MCPH1: variants seen among roughly 807,000 people sequenced by gnomAD.
The protein encoded by MCPH1 is microcephalin 1.
A neutral mutation model predicts 84.5 loss-of-function variants in MCPH1; 104 were observed. The ratio of observed to expected loss-of-function variants is 1.23; its 90% CI spans 1.05 to 1.45. The LOEUF is 1.45. Ranked by LOEUF, MCPH1 falls within the 40% of genes most tolerant of loss-of-function variation. The pLI is 0.00. For missense variants in MCPH1, 1,498 were observed against 1,005.7 expected, an observed-to-expected ratio of 1.49 and a Z score of -6.62; for synonymous variants, 514 against 366.8, an observed-to-expected ratio of 1.40 and a Z score of -4.58.
intron 13 of MCPH1, among the ~76,000 whole-genome samples, chr8:6,632,283 C>T (rs758920344): frequency 2.6e-5 from 4 of 152,074 alleles, no homozygotes; most frequent in African/African-American, 4.8e-5. Context: ...CACAGCATTG[C>T]GAATGTACTT....
At chr8:6,408,093 A>C (rs531336311) in intron 1 of MCPH1, among the ~76,000 whole-genome samples, 6 of 152,252 alleles carry the variant, frequency 3.9e-5, no homozygotes, top group Non-Finnish European at 7.3e-5. Flanking sequence ...AGGTTTCTGC[A>C]CTGGAAAAAT....
chr8:6,562,863 C>T, intron 12 of MCPH1: 5 of 1,612,950 alleles, frequency 3.1e-6, no homozygotes, highest in Non-Finnish European at 4.2e-6. Flanking sequence ...TGTCCATGCT[C>T]TTCCGAAAGT....
intron 12 of MCPH1, among the ~76,000 whole-genome samples, chr8:6,527,970 A>T (rs183376826): frequency 6.1e-4 from 90 of 146,770 alleles, no homozygotes; most frequent in African/African-American, 2.2e-3. Flanking sequence ...ATCTCGGCTC[A>T]CTGCAACCTC....
chr8:6,502,193 A>C (rs1812321140), intron 12 of MCPH1: 1 of 152,166 alleles, frequency 6.6e-6, no homozygotes, highest in African/African-American at 2.4e-5. Flanking sequence ...AATTTTCCTC[A>C]TCATTAAAAG....
chr8:6,435,888 A>G (rs1343220640), intron 4 of MCPH1, among the ~76,000 whole-genome samples, 160 bp from the exon 5 acceptor site: 4 of 152,230 alleles, frequency 2.6e-5, no homozygotes, highest in Admixed American at 6.5e-5. Context: ...CTGCACAAAA[A>G]AATAAATATT....
rs1798117048 is a variant in MCPH1, at chr8:6,644,493, A to T, written c.*1444A>T. The stretch of plus-strand genomic sequence containing the variant: ...CTGGAACCGATAAATGACTTAAGTA[A>T]AGTTTCAGGATAGTAAATCCATGTA... On this transcript the variant is annotated 3_prime_UTR_variant, in exon 14 of 14. Transcript: ENST00000344683. 1 of 152,190 alleles carries T rather than the reference A, an allele frequency of 6.6e-6. No individual in the cohort carries two copies. The highest frequency in any genetic ancestry group is 1.5e-5 in the Non-Finnish European group (1 of 68,034). The allele number at this position is 152,190 out of a possible 1,614,324, so 9.4% of individuals were successfully genotyped here. A position where few individuals can be genotyped will look rare whatever the true frequency, so the allele number is the denominator to read the frequency against.
intron 12 of MCPH1, among the ~76,000 whole-genome samples, chr8:6,526,842 G>C (rs1020647934): frequency 1.3e-5 from 2 of 152,086 alleles, no homozygotes; most frequent in Admixed American, 6.5e-5. Context: ...GTCCCAAGTG[G>C]AACAGACATA....
At chr8:6,612,676 T>C (rs908070851) in intron 12 of MCPH1, among the ~76,000 whole-genome samples, 2 of 152,198 alleles carry the variant, frequency 1.3e-5, no homozygotes, top group Non-Finnish European at 2.9e-5. Flanking sequence ...CTGCCTGGCC[T>C]GGTGTTCTGG....
At chr8:6,506,224 G>A (rs1043261925) in intron 12 of MCPH1, among the ~76,000 whole-genome samples, 3 of 151,918 alleles carry the variant, frequency 2.0e-5, no homozygotes, top group East Asian at 1.9e-4. Context: ...TCATAGGTCA[G>A]TGCCTTCTGG....
intron 12 of MCPH1, among the ~76,000 whole-genome samples, chr8:6,608,628 G>A (rs761213566): frequency 6.6e-6 from 1 of 152,172 alleles, no homozygotes; most frequent in Non-Finnish European, 1.5e-5. Context: ...GTCCTTTGCT[G>A]TCATTAGAAT....
chr8:6,568,759 C>T (rs1382716984), intron 12 of MCPH1, among the ~76,000 whole-genome samples: 1 of 152,228 alleles, frequency 6.6e-6, no homozygotes, highest in Non-Finnish European at 1.5e-5. Context: ...GAGACTGTCT[C>T]CCGCCTGCCG....
chr8:6,619,750 A>C (rs143069397), intron 12 of MCPH1, among the ~76,000 whole-genome samples: 4,862 of 152,102 alleles, frequency 0.032, 131 homozygotes, highest in Non-Finnish European at 0.044. Context: ...ACGCCTGGCT[A>C]ATCTTTTGTA....
chr8:6,458,793 C>T (rs1018539243), intron 9 of MCPH1, among the ~76,000 whole-genome samples: 10 of 152,012 alleles, frequency 6.6e-5, no homozygotes, highest in Non-Finnish European at 1.5e-4. Context: ...CACAGGCACC[C>T]GCCAGCACGC....
chr8:6,456,948 A>T (rs1368310596), intron 9 of MCPH1, among the ~76,000 whole-genome samples: 1 of 152,066 alleles, frequency 6.6e-6, no homozygotes, highest in Non-Finnish European at 1.5e-5. Flanking sequence ...TGAATGGGAG[A>T]TGGGTACCTG....
intron 11 of MCPH1, among the ~76,000 whole-genome samples, chr8:6,485,992 C>G (rs543424618): frequency 1.3e-5 from 2 of 152,248 alleles, no homozygotes; most frequent in South Asian, 2.1e-4. Context: ...TTCAAGAAGA[C>G]AAAGATGACT....
intron 12 of MCPH1, among the ~76,000 whole-genome samples, chr8:6,511,935 C>A (rs1287191003): frequency 1.4e-5 from 2 of 148,068 alleles, no homozygotes; most frequent in African/African-American, 5.0e-5. Flanking sequence ...GTTGTAGATT[C>A]CTAACTGTTG....
At chr8:6,454,934 C>T (rs973006169) in intron 8 of MCPH1, among the ~76,000 whole-genome samples, 8 of 152,042 alleles carry the variant, frequency 5.3e-5, no homozygotes, top group African/African-American at 1.4e-4. Flanking sequence ...TGATTGTTAC[C>T]GACCATTGAA....
At chr8:6,458,020 G>A (rs1805885485) in intron 9 of MCPH1, among the ~76,000 whole-genome samples, 1 of 152,170 alleles carries the variant, frequency 6.6e-6, no homozygotes, top group African/African-American at 2.4e-5. Flanking sequence ...AACTCCTGAG[G>A]TGATTCTAAT....
chr8:6,622,994 C>T (rs930241466), intron 13 of MCPH1, among the ~76,000 whole-genome samples: 53 of 149,900 alleles, frequency 3.5e-4, no homozygotes, highest in Admixed American at 6.7e-4. Context: ...GTGCACACCA[C>T]GATGCCCAGC....
Sources: gnomAD v4.1 joint callset for allele counts (sites outside exome capture counted in the v4.1 genomes callset) on GRCh38, gnomAD v4.1.1 for gene constraint, MANE v1.5 for transcripts, NCBI Gene and HGNC (gene_info 2026-07-23, HGNC 2026-07-21) for gene names.